The following PDGFD variants were observed in gnomAD, a reference collection of about 807,000 sequenced individuals.
PDGFD encodes platelet-derived growth factor D.
PDGFD carries 30 observed loss-of-function variants against 44.7 expected under a neutral mutation model. The ratio of observed to expected loss-of-function variants is 0.67; its 90% CI spans 0.50 to 0.91. The LOEUF (loss-of-function observed/expected upper bound fraction) is 0.91. Among genes scored for constraint, PDGFD ranks in the 40% least tolerant of loss-of-function variants. The probability of loss-of-function intolerance (pLI) is 0.00; values close to 1 mark genes in which losing one functional copy is unlikely to be tolerated. For synonymous variants in PDGFD, 173 were observed against 168.4 expected, an observed-to-expected ratio of 1.03 and a Z score of -0.21; for missense variants, 445 against 457.8, an observed-to-expected ratio of 0.97 and a Z score of 0.25.
chr11:103,921,579 A>AC (rs1011851644), intron 6 of PDGFD, among the ~76,000 whole-genome samples: 2 of 148,180 alleles, frequency 1.3e-5, no homozygotes, highest in Admixed American at 1.4e-4. Flanking sequence ...ATGCATTAAT[A>AC]CCCCCCCATA....
intron 6 of PDGFD, among the ~76,000 whole-genome samples, chr11:103,921,541 T>C (rs1056190754): frequency 6.6e-6 from 1 of 151,950 alleles, no homozygotes; most frequent in East Asian, 1.9e-4. Flanking sequence ...ATAAACCCAT[T>C]GGAGGTTAAA....
At chr11:103,911,181 C>T (rs1397479699) in intron 6 of PDGFD, among the ~76,000 whole-genome samples, 1 of 152,206 alleles carries the variant, frequency 6.6e-6, no homozygotes, top group East Asian at 1.9e-4. Flanking sequence ...ACATTCCTGC[C>T]TGGAGGCTCT....
intron 6 of PDGFD, among the ~76,000 whole-genome samples, 166 bp from the exon 7 acceptor site, chr11:103,909,985 T>C (rs1858002541): frequency 2.0e-5 from 3 of 152,198 alleles, no homozygotes; most frequent in Admixed American, 2.0e-4. Flanking sequence ...AATGTACACA[T>C]TTTTCAAATA....
intron 1 of PDGFD, among the ~76,000 whole-genome samples, chr11:104,116,466 T>C (rs1861639283): frequency 6.6e-6 from 1 of 151,740 alleles, no homozygotes; most frequent in African/African-American, 2.4e-5. Flanking sequence ...CGTAATGTGA[T>C]GCCTCCAAAT....
chr11:104,153,753 T>C (rs1862272828), intron 1 of PDGFD, among the ~76,000 whole-genome samples: 1 of 152,178 alleles, frequency 6.6e-6, no homozygotes, highest in Admixed American at 6.5e-5. Flanking sequence ...ACTCATTGTA[T>C]ACCTCAAATA....
intron 3 of PDGFD, among the ~76,000 whole-genome samples, chr11:103,950,763 T>C (rs1858743690): frequency 6.6e-6 from 1 of 152,046 alleles, no homozygotes; most frequent in South Asian, 2.1e-4. Flanking sequence ...AGAAAAACGA[T>C]GAAACAGTTT....
At chr11:104,078,465 T>C (rs1431230847) in intron 1 of PDGFD, among the ~76,000 whole-genome samples, 1 of 119,758 alleles carries the variant, frequency 8.4e-6, no homozygotes, top group African/African-American at 3.7e-5. Flanking sequence ...TCCTCTTTCT[T>C]ACTGACTCCC....
At chr11:104,111,028 G>A (rs897034925) in intron 1 of PDGFD, among the ~76,000 whole-genome samples, 1 of 151,994 alleles carries the variant, frequency 6.6e-6, no homozygotes, top group African/African-American at 2.4e-5. Flanking sequence ...TCTACAGGAA[G>A]AAAATGTTCT....
chr11:103,916,681 A>C (rs1207977376), intron 6 of PDGFD, among the ~76,000 whole-genome samples: 1 of 152,214 alleles, frequency 6.6e-6, no homozygotes, highest in East Asian at 1.9e-4. Flanking sequence ...AAGACTTGGA[A>C]CCAACCCAAA....
intron 1 of PDGFD, among the ~76,000 whole-genome samples, chr11:104,075,682 T>C (rs1473400335): frequency 6.6e-6 from 1 of 151,976 alleles, no homozygotes; most frequent in Non-Finnish European, 1.5e-5. Flanking sequence ...TTAATAACCT[T>C]GGTAGATACC....
At chr11:104,122,728 TA>T (rs59546695) in intron 1 of PDGFD, among the ~76,000 whole-genome samples, 76,182 of 150,912 alleles carry the variant, frequency 0.5, 19,258 homozygotes, top group African/African-American at 0.58. Context: ...AATTTTTTTT[TA>T]AATTTTCTTC....
intron 1 of PDGFD, 44 bp from the exon 2 acceptor site, chr11:104,000,299 T>C: frequency 6.6e-7 from 1 of 1,525,412 alleles, no homozygotes; most frequent in African/African-American, 1.4e-5. Flanking sequence ...GTTGCTCCAA[T>C]TACAGGAAAG....
At chr11:103,926,653 T>C (rs1858320262) in intron 6 of PDGFD, among the ~76,000 whole-genome samples, 1 of 152,210 alleles carries the variant, frequency 6.6e-6, no homozygotes, top group South Asian at 2.1e-4. Context: ...TATTTGATTA[T>C]ATATTCTAAC....
At chr11:104,060,275 A>C (rs903483117) in intron 1 of PDGFD, among the ~76,000 whole-genome samples, 3 of 152,172 alleles carry the variant, frequency 2.0e-5, no homozygotes, top group Non-Finnish European at 2.9e-5. Context: ...CCAGGTGTCC[A>C]CATATGCTTG....
At chr11:103,933,646 T>G (rs991385254) in intron 5 of PDGFD, among the ~76,000 whole-genome samples, 1 of 152,214 alleles carries the variant, frequency 6.6e-6, no homozygotes, top group African/African-American at 2.4e-5. Flanking sequence ...AATGCAAACT[T>G]ACTGAGCAAC....
At chr11:103,954,082 A>G (rs143155926) in intron 3 of PDGFD, among the ~76,000 whole-genome samples, 25 of 152,350 alleles carry the variant, frequency 1.6e-4, no homozygotes, top group African/African-American at 5.3e-4. Flanking sequence ...TGTCAACAAC[A>G]ATCCTTGCTA....
At chr11:104,075,371 C>T (rs1400305174) in intron 1 of PDGFD, among the ~76,000 whole-genome samples, 2 of 140,464 alleles carry the variant, frequency 1.4e-5, no homozygotes, top group Admixed American at 7.4e-5. Context: ...ATTTGAATTT[C>T]TCAGTGTTTT....
chr11:104,092,220 C>T (rs892777626), intron 1 of PDGFD, among the ~76,000 whole-genome samples: 2 of 152,134 alleles, frequency 1.3e-5, no homozygotes, highest in African/African-American at 4.8e-5. Context: ...ATCATGTGGT[C>T]TCCCAATTTG....
intron 3 of PDGFD, among the ~76,000 whole-genome samples, chr11:103,960,357 T>G (rs1858916898): frequency 6.6e-6 from 1 of 152,236 alleles, no homozygotes; most frequent in Non-Finnish European, 1.5e-5. Flanking sequence ...TGGATTTTTT[T>G]TGGCAGGCCT....
Sources: allele counts gnomAD v4.1 joint callset (sites outside exome capture counted in the v4.1 genomes callset), GRCh38; gene constraint gnomAD v4.1.1; transcripts MANE v1.5; gene names NCBI Gene and HGNC (gene_info 2026-07-23, HGNC 2026-07-21).